PRTFDC1: variants seen among roughly 807,000 people sequenced by gnomAD.
PRTFDC1 encodes the protein phosphoribosyltransferase domain-containing protein 1.
A neutral mutation model predicts 34.6 loss-of-function variants in PRTFDC1; 38 were observed. The observed-to-expected ratio is 1.10, with a 90% CI of 0.85 to 1.44. The LOEUF is 1.44. Ranked by LOEUF, PRTFDC1 falls within the 40% of genes most tolerant of loss-of-function variation. PRTFDC1 has a pLI of 0.00. For synonymous variants in PRTFDC1, 93 were observed against 98.1 expected (o/e 0.95, Z 0.31); for missense variants, 270 against 283.0 (o/e 0.95, Z 0.33).
intron 3 of PRTFDC1, among the ~76,000 whole-genome samples, chr10:24,879,600 G>A (rs6482451): frequency 0.42 from 63,767 of 151,674 alleles, 14,024 homozygotes; most frequent in Non-Finnish European, 0.48. Flanking sequence ...TGCCCGCCTC[G>A]GCCTCCCAAA....
chr10:24,908,570 C>A (rs761109821), intron 3 of PRTFDC1: 2 of 1,612,814 alleles, frequency 1.2e-6, no homozygotes, highest in South Asian at 1.1e-5. Flanking sequence ...TTGGAGGTAA[C>A]CTCTCCAGAG....
intron 3 of PRTFDC1, among the ~76,000 whole-genome samples, chr10:24,935,026 C>G (rs995394639): frequency 2.0e-5 from 3 of 152,168 alleles, no homozygotes; most frequent in African/African-American, 4.8e-5. Context: ...GAAAACGTAT[C>G]TGTGGTTTCC....
Position 24,880,813 on chromosome 10 carries a change from C to CTCTTTCTTTCTTTCTTTCTTTCTTT in PRTFDC1, c.340-8775_340-8751dup, listed in dbSNP as rs1588587780. Among the ~76,000 whole-genome samples the CTCTTTCTTTCTTTCTTTCTTTCTTT allele has an allele frequency of 3.4e-3, 394 of 115,016 alleles. 1 individual carries two copies. Among genetic ancestry groups the CTCTTTCTTTCTTTCTTTCTTTCTTT allele is most frequent in the East Asian group, 0.024 (86 of 3,648 alleles). 75.5% of individuals were successfully genotyped at this position (115,016 alleles called of 152,430 possible). A position where few individuals can be genotyped will look rare whatever the true frequency, so the allele number is the denominator to read the frequency against. Reference sequence around the variant, plus strand: ...TCCATCATTCCACTTTACTGTCTTTCTCTTTCTTTCTTTCTTTCTTTCTTT... The same window carrying CTCTTTCTTTCTTTCTTTCTTTCTTT: ...TCCATCATTCCACTTTACTGTCTTTCTCTTTCTTTCTTTCTTTCTTTCTTTTCTTTCTTTCTTTCTTTCTTTCTTT... On this transcript the variant is annotated intron_variant, in intron 3 of 8. Coordinates refer to ENST00000320152, the MANE Select transcript of PRTFDC1 (RefSeq NM_020200.7).
At chr10:24,927,457 G>A (rs1453381542) in intron 3 of PRTFDC1, among the ~76,000 whole-genome samples, 3 of 152,032 alleles carry the variant, frequency 2.0e-5, no homozygotes, top group African/African-American at 7.2e-5. Flanking sequence ...TCCCTTTGAA[G>A]TCTGCAAAAA....
At chr10:24,887,132 G>A (rs111720758) in intron 3 of PRTFDC1, among the ~76,000 whole-genome samples, 20,570 of 149,898 alleles carry the variant, frequency 0.14, 1,718 homozygotes, top group South Asian at 0.19. Context: ...CACCGCGCCC[G>A]GCTAATTTTT....
Position 24,896,436 on chromosome 10 carries a change from G to A in PRTFDC1, c.340-24373C>T, listed in dbSNP as rs551680090. ...ACTGGTCCCCGGTGACAAAAAGGTC[G>A]GGGACTGCTCTTCTAGAGGGTGCTT... is the stretch of plus-strand genomic sequence containing the variant. On this transcript the variant is annotated intron_variant, in intron 3 of 8. Coordinates refer to ENST00000320152, the MANE Select transcript of PRTFDC1 (RefSeq NM_020200.7). Among the ~76,000 whole-genome samples, 11 of 152,208 alleles carry A rather than the reference G, an allele frequency of 7.2e-5. No homozygotes were observed. In the South Asian group the frequency reaches 8.3e-4, roughly 11 times the overall value.
chr10:24,927,643 G>A (rs1398084991), intron 3 of PRTFDC1, among the ~76,000 whole-genome samples: 3 of 149,468 alleles, frequency 2.0e-5, no homozygotes, highest in East Asian at 2.0e-4. Context: ...GTGCAGTGGC[G>A]CAGTCTTGGC....
chr10:24,909,931 G>A (rs559873329), intron 3 of PRTFDC1, among the ~76,000 whole-genome samples: 166 of 151,612 alleles, frequency 1.1e-3, no homozygotes, highest in African/African-American at 3.3e-3. Flanking sequence ...CGGGTGGATC[G>A]CTTGAGGTCG....
intron 2 of PRTFDC1, 45 bp from the exon 3 acceptor site, chr10:24,937,412 GTATT>G: frequency 6.6e-7 from 1 of 1,513,350 alleles, no homozygotes; most frequent in Non-Finnish European, 9.0e-7. Flanking sequence ...CTACTTCTGA[GTATT>G]TATGTTGCTT....
At chr10:24,873,823 T>C (rs1454947310) in intron 3 of PRTFDC1, among the ~76,000 whole-genome samples, 7 of 150,628 alleles carry the variant, frequency 4.6e-5, no homozygotes, top group African/African-American at 1.7e-4. Flanking sequence ...AAACCACCAG[T>C]AGGACAGTTT....
chr10:24,865,631 A>G (rs1461959408), intron 4 of PRTFDC1, among the ~76,000 whole-genome samples: 1 of 152,222 alleles, frequency 6.6e-6, no homozygotes, highest in Non-Finnish European at 1.5e-5. Flanking sequence ...CTAACAAAAA[A>G]GAAAAAGAAA....
intron 3 of PRTFDC1, among the ~76,000 whole-genome samples, chr10:24,887,832 A>AC (rs1248647808): frequency 6.6e-6 from 1 of 151,950 alleles, no homozygotes; most frequent in Non-Finnish European, 1.5e-5. Flanking sequence ...TGCATGTAGC[A>AC]CCCGTTCAGG....
chr10:24,938,708 C>T (rs1367807001), intron 2 of PRTFDC1, among the ~76,000 whole-genome samples: 1 of 152,178 alleles, frequency 6.6e-6, no homozygotes, highest in Non-Finnish European at 1.5e-5. Flanking sequence ...ATAAGTTCTT[C>T]ATGCATCTCA....
At chr10:24,907,307 A>T (rs1310251338) in intron 3 of PRTFDC1, among the ~76,000 whole-genome samples, 1 of 152,150 alleles carries the variant, frequency 6.6e-6, no homozygotes, top group African/African-American at 2.4e-5. Context: ...AAAAGTATTC[A>T]CCTTAGGCTG....
intron 3 of PRTFDC1, among the ~76,000 whole-genome samples, chr10:24,920,175 AC>A (rs1322106439): frequency 6.6e-6 from 1 of 152,166 alleles, no homozygotes; most frequent in Non-Finnish European, 1.5e-5. Context: ...ATACATGCAC[AC>A]TTATGTTCAC....
At chr10:24,851,324 A>G (rs560399421) in intron 8 of PRTFDC1, 64 bp downstream of exon 8, 1 of 1,574,372 alleles carries the variant, frequency 6.4e-7, no homozygotes, top group Non-Finnish European at 8.6e-7. Flanking sequence ...CACGCATTCA[A>G]TACTTTTTTA....
intron 3 of PRTFDC1, among the ~76,000 whole-genome samples, chr10:24,884,251 T>C (rs924636454): frequency 3.9e-5 from 6 of 152,068 alleles, no homozygotes; most frequent in African/African-American, 1.4e-4. Context: ...CCAGCTCTCA[T>C]GAAACTGTTT....
intron 3 of PRTFDC1, among the ~76,000 whole-genome samples, chr10:24,922,086 CT>C (rs1848800037): frequency 6.6e-6 from 1 of 152,132 alleles, no homozygotes; most frequent in African/African-American, 2.4e-5. Flanking sequence ...TTCCTGGTAA[CT>C]TTCCTAGACT....
intron 3 of PRTFDC1, among the ~76,000 whole-genome samples, chr10:24,919,059 C>T (rs1486856719): frequency 6.6e-6 from 1 of 151,970 alleles, no homozygotes; most frequent in East Asian, 1.9e-4. Context: ...GTGGTGGGCA[C>T]TAATGAAATA....
Sources: gnomAD v4.1 joint callset for allele counts (sites outside exome capture counted in the v4.1 genomes callset) on GRCh38, gnomAD v4.1.1 for gene constraint, MANE v1.5 for transcripts, NCBI Gene and HGNC (gene_info 2026-07-23, HGNC 2026-07-21) for gene names.